The following CEP89 variants were observed in gnomAD, a reference collection of about 807,000 sequenced individuals.
The protein encoded by CEP89 is centrosomal protein 89.
A neutral mutation model predicts 97.6 loss-of-function variants in CEP89; 95 were observed. That is an observed-to-expected ratio of 0.97 (90% confidence interval 0.82 to 1.15). The LOEUF is 1.15. CEP89 is among the 50% of genes most tolerant of loss of function. CEP89 has a pLI of 0.00. For synonymous variants in CEP89, 354 were observed against 349.1 expected (o/e 1.01, Z -0.16); for missense variants, 869 against 947.7 (o/e 0.92, Z 1.09).
chr19:32,938,035 C>A (rs1320176978), intron 6 of CEP89, among the ~76,000 whole-genome samples: 1 of 144,170 alleles, frequency 6.9e-6, no homozygotes, highest in Non-Finnish European at 1.5e-5. Context: ...GAGATGGGGT[C>A]TCCTGTTGTC....
At chr19:32,944,220 TAAAA>T (rs750448528) in intron 5 of CEP89, among the ~76,000 whole-genome samples, 2 of 62,420 alleles carry the variant, frequency 3.2e-5, no homozygotes, top group African/African-American at 1.3e-4. Flanking sequence ...TGAGACCCTG[TAAAA>T]AAAAAAAAAA....
intron 14 of CEP89, among the ~76,000 whole-genome samples, chr19:32,905,132 T>C (rs753147584): frequency 1.8e-4 from 27 of 152,222 alleles, no homozygotes; most frequent in Admixed American, 1.4e-3. Flanking sequence ...GTTAATGTTG[T>C]CAGAAATGGT....
At chr19:32,967,772 T>A (rs1285976305) in intron 1 of CEP89, among the ~76,000 whole-genome samples, 1 of 152,162 alleles carries the variant, frequency 6.6e-6, no homozygotes. Flanking sequence ...AACAAAGGAA[T>A]GGAGCAAGAC....
At chr19:32,945,027 C>T (rs148317450) in intron 5 of CEP89, among the ~76,000 whole-genome samples, 346 of 152,292 alleles carry the variant, frequency 2.3e-3, no homozygotes, top group African/African-American at 8.1e-3. Context: ...CATGTGTTGT[C>T]CAAGGATCAC....
intron 16 of CEP89, among the ~76,000 whole-genome samples, chr19:32,890,445 G>C (rs1969489120): frequency 6.6e-6 from 1 of 152,136 alleles, no homozygotes; most frequent in Admixed American, 6.5e-5. Context: ...TCAGGAGGAA[G>C]GCTCAGGGTG....
chr19:32,878,979 T>TAAAA lies in CEP89; in HGVS notation c.*179_*182dup, dbSNP rs943256453. 9.3e-4 allele frequency: 409 copies of TAAAA among 441,238 alleles called. 5 individuals carry two copies. The highest frequency in any genetic ancestry group is 1.4e-3 in the South Asian group (22 of 16,052). 27.3% of individuals were successfully genotyped at this position (441,238 alleles called of 1,614,324 possible). A position where few individuals can be genotyped will look rare whatever the true frequency, so the allele number is the denominator to read the frequency against. On this transcript the variant is annotated 3_prime_UTR_variant, in exon 19 of 19. Transcript: ENST00000305768. The stretch of plus-strand genomic sequence containing the variant: ...CCTAGCTCTAAAAAAAAAAAAAAAT[T>TAAAA]AAAAAATAAAGCAAAATGTTATCAA...
At chr19:32,920,793 T>C (rs946556552) in intron 12 of CEP89, among the ~76,000 whole-genome samples, 1 of 152,080 alleles carries the variant, frequency 6.6e-6, no homozygotes, top group Non-Finnish European at 1.5e-5. Flanking sequence ...CTCCCTCTTA[T>C]TTTATAGAGA....
intron 1 of CEP89, among the ~76,000 whole-genome samples, chr19:32,967,763 A>G (rs1237933686): frequency 6.6e-6 from 1 of 152,230 alleles, no homozygotes; most frequent in African/African-American, 2.4e-5. Context: ...AACGGCATGA[A>G]CAAAGGAATG....
rs1293764217 is a variant in CEP89 at position 32,931,428 on chromosome 19, C to A, written c.1029+1G>T. ...CTGATTTTCACAATCGGAAACGTTA[C>A]CTCTTCCTTGGACAAATGCCTGAAT... On this transcript the variant is annotated splice_donor_variant, in intron 9 of 18. Transcript: ENST00000305768. LOFTEE classifies it high-confidence loss of function. 6.4e-7 allele frequency: 1 copy of A among 1,566,288 alleles called. No individual in the cohort carries two copies. Among genetic ancestry groups the A allele is most frequent in the Non-Finnish European group, 8.6e-7 (1 of 1,164,548 alleles).
At chr19:32,957,425 G>A (rs1463283353) in intron 3 of CEP89, among the ~76,000 whole-genome samples, 1 of 152,060 alleles carries the variant, frequency 6.6e-6, no homozygotes, top group African/African-American at 2.4e-5. Flanking sequence ...CCCGCACTTT[G>A]GGAGGCCAAG....
chr19:32,964,037 G>A (rs927729998), intron 2 of CEP89, among the ~76,000 whole-genome samples: 5 of 151,590 alleles, frequency 3.3e-5, no homozygotes, highest in African/African-American at 4.9e-5. Context: ...ATATACTGTT[G>A]GTGGGAACAT....
At position 32,967,311 on chromosome 19, in the gene CEP89, G is replaced by A. The variant is rs149179381; in HGVS notation, c.40-845C>T. On this transcript the variant is annotated intron_variant, in intron 1 of 18. Transcript: ENST00000305768. ...AACTGTAACTGGGAGTCTCTGAGACGTTTCTGGGTCTAGTCCAATCATTTT... is the reference window on the plus strand; with the variant it reads ...AACTGTAACTGGGAGTCTCTGAGACATTTCTGGGTCTAGTCCAATCATTTT... Among the ~76,000 whole-genome samples, 7 of 152,260 alleles carry A rather than the reference G, an allele frequency of 4.6e-5. No individual in the cohort carries two copies. The East Asian group carries it at 7.7e-4, about 17-fold the overall frequency.
In CEP89 at chr19:32,948,309, C is replaced by T. The variant is rs374582983; in HGVS notation, c.552G>A (p.Gly184=). The T allele has an allele frequency of 1.9e-6, 3 of 1,611,062 alleles. No homozygotes were observed. Among genetic ancestry groups the T allele is most frequent in the Non-Finnish European group, 2.5e-6 (3 of 1,178,728 alleles). ...EDDENISHQD[G]FPGSPPAPQR... ...GTGGTGCAGGAGGGGAGCCTGGAAA[C>T]CCATCTTGATGAGAAATATTTTCAT... Residue 184 remains glycine (G), a synonymous_variant, in exon 5 of 19, where the codon GGG becomes GGA. Transcript: ENST00000305768.
At chr19:32,921,839 C>T (rs1970256170) in intron 12 of CEP89, among the ~76,000 whole-genome samples, 2 of 152,148 alleles carry the variant, frequency 1.3e-5, no homozygotes, top group Admixed American at 6.5e-5. Flanking sequence ...CCTGACGCAT[C>T]GGTGACCACA....
intron 18 of CEP89, among the ~76,000 whole-genome samples, 179 bp downstream of exon 18, chr19:32,881,665 G>T (rs928984600): frequency 6.6e-6 from 1 of 152,174 alleles, no homozygotes; most frequent in Non-Finnish European, 1.5e-5. Flanking sequence ...ATTTTTAAAA[G>T]AATAAAGAAG....
intron 16 of CEP89, among the ~76,000 whole-genome samples, chr19:32,892,777 C>G (rs577542225): frequency 3.3e-5 from 5 of 151,406 alleles, no homozygotes. Context: ...TAAGCAAACA[C>G]TGAGAGAATC....
At chr19:32,880,639 TAAAA>T (rs60785987) in intron 18 of CEP89, among the ~76,000 whole-genome samples, 14,240 of 137,714 alleles carry the variant, frequency 0.1, 853 homozygotes, top group Middle Eastern at 0.17. Context: ...ACCTTGTATT[TAAAA>T]AAAAAAAAAA....
chr19:32,941,383 A>G (rs1970683080), intron 5 of CEP89, among the ~76,000 whole-genome samples: 2 of 152,038 alleles, frequency 1.3e-5, no homozygotes, highest in African/African-American at 4.8e-5. Context: ...CTTGCCTGTA[A>G]TCCCAGCTAC....
At chr19:32,911,396 C>T (rs1229921013) in intron 14 of CEP89, among the ~76,000 whole-genome samples, 1 of 152,252 alleles carries the variant, frequency 6.6e-6, no homozygotes, top group Non-Finnish European at 1.5e-5. Flanking sequence ...GTGGCTCATG[C>T]CTGGAATCTC....
Sources: gnomAD v4.1 joint callset for allele counts (sites outside exome capture counted in the v4.1 genomes callset) on GRCh38, gnomAD v4.1.1 for gene constraint, MANE v1.5 for transcripts, NCBI Gene and HGNC (gene_info 2026-07-23, HGNC 2026-07-21) for gene names.